Variants in NRXN1 observed in about 807,000 individuals in gnomAD.
NRXN1 encodes neurexin-1.
Under a neutral mutation model 150.9 loss-of-function variants are expected in NRXN1, and 39 were observed. The observed-to-expected ratio is 0.26, with a 90% confidence interval of 0.20 to 0.34. The LOEUF is 0.34. Among genes scored for constraint, NRXN1 ranks in the 10% least tolerant of loss-of-function variants. The pLI, the probability that NRXN1 is intolerant of heterozygous loss-of-function variation, is 1.00. For missense variants in NRXN1, 1,815 were observed against 1,949.9 expected, an observed-to-expected ratio of 0.93 and a Z score of 1.30; for synonymous variants, 924 against 757.0, an observed-to-expected ratio of 1.22 and a Z score of -3.62.
intron 8 of NRXN1, among the ~76,000 whole-genome samples, chr2:50,579,644 C>A (rs1445772240): frequency 2.0e-5 from 3 of 151,972 alleles, no homozygotes; most frequent in Non-Finnish European, 4.4e-5. Flanking sequence ...TGTCTTAAAA[C>A]AAATACAAAA....
intron 5 of NRXN1, among the ~76,000 whole-genome samples, chr2:50,861,473 T>C (rs996580468): frequency 5.3e-5 from 8 of 152,132 alleles, no homozygotes; most frequent in Non-Finnish European, 1.2e-4. Flanking sequence ...AGCTGGTTAG[T>C]TGGCAAATCC....
chr2:50,091,483 T>C lies in NRXN1; in HGVS notation c.3558A>G (p.Lys1186=). The part of the protein sequence containing the change: ...DYLELHIHQG[K]IGVKFNVGTD... ...TCCCAACATTAAACTTAACTCCAAT[T>C]TTTCCCTGGTGCTGTAAGAGAGGAG... is the stretch of plus-strand genomic sequence containing the variant. Residue 1186 remains lysine (K), a synonymous_variant, in exon 19 of 23, where the codon AAA becomes AAG. Coordinates refer to ENST00000401669, the MANE Select transcript of NRXN1 (RefSeq NM_001330078.2). The C allele has an allele frequency of 6.2e-7, 1 of 1,614,112 alleles. No homozygotes were observed. The highest frequency in any genetic ancestry group is 8.5e-7 in the Non-Finnish European group (1 of 1,180,028).
At chr2:50,814,440 C>T (rs3891419) in intron 5 of NRXN1, among the ~76,000 whole-genome samples, 12,651 of 152,124 alleles carry the variant, frequency 0.083, 774 homozygotes, top group African/African-American at 0.16. Context: ...AACCAAGAGT[C>T]ATTGCTTTTT....
At chr2:50,440,084 C>G (rs1398750438) in intron 17 of NRXN1, among the ~76,000 whole-genome samples, 1 of 152,138 alleles carries the variant, frequency 6.6e-6, no homozygotes, top group Non-Finnish European at 1.5e-5. Context: ...TCAACTCATC[C>G]TCAAGAGTTG....
chr2:50,440,453 T>C (rs1000087504), intron 17 of NRXN1, among the ~76,000 whole-genome samples: 6 of 152,002 alleles, frequency 3.9e-5, no homozygotes, highest in African/African-American at 1.5e-4. Flanking sequence ...ACCAAACTGA[T>C]TGTATCTCTG....
intron 15 of NRXN1, among the ~76,000 whole-genome samples, chr2:50,477,848 C>T (rs896130162): frequency 6.6e-6 from 1 of 152,110 alleles, no homozygotes; most frequent in African/African-American, 2.4e-5. Flanking sequence ...AGAGAAAGTG[C>T]AATTCTAGAC....
At chr2:49,973,780 A>T (rs1290712962) in intron 21 of NRXN1, 1 of 570,666 alleles carries the variant, frequency 1.8e-6, no homozygotes, top group Non-Finnish European at 3.1e-6. Context: ...CACATTTCAC[A>T]TACAGCGTGC....
chr2:51,023,586 C>T (rs889667279), intron 2 of NRXN1, among the ~76,000 whole-genome samples: 7 of 152,172 alleles, frequency 4.6e-5, no homozygotes, highest in African/African-American at 1.4e-4. Context: ...TAGTATCATG[C>T]ACCCATCCTT....
chr2:50,750,307 AT>A (rs1049906134), intron 5 of NRXN1, among the ~76,000 whole-genome samples: 28 of 151,652 alleles, frequency 1.8e-4, no homozygotes, highest in African/African-American at 6.8e-4. Flanking sequence ...CTTTTTATTT[AT>A]TTGTGTTTGT....
At chr2:50,698,830 A>G (rs184054580) in intron 5 of NRXN1, among the ~76,000 whole-genome samples, 18 of 152,296 alleles carry the variant, frequency 1.2e-4, no homozygotes, top group Admixed American at 4.6e-4. Context: ...TTCATTGTTT[A>G]TGAAATGTCT....
At chr2:50,744,575 T>G (rs534510454) in intron 5 of NRXN1, among the ~76,000 whole-genome samples, 1 of 152,298 alleles carries the variant, frequency 6.6e-6, no homozygotes, top group African/African-American at 2.4e-5. Flanking sequence ...TAAATGGTCC[T>G]TCATTTATTC....
At chr2:50,103,051 T>C (rs1473665959) in intron 18 of NRXN1, among the ~76,000 whole-genome samples, 1 of 152,098 alleles carries the variant, frequency 6.6e-6, no homozygotes, top group African/African-American at 2.4e-5. Context: ...ATGTAGAACC[T>C]AACAGTATGC....
chr2:50,243,883 A>G (rs1005670515), intron 17 of NRXN1, among the ~76,000 whole-genome samples: 3 of 151,858 alleles, frequency 2.0e-5, no homozygotes, highest in African/African-American at 4.8e-5. Flanking sequence ...TTTACTCAAC[A>G]AGAAATTTTA....
intron 17 of NRXN1, among the ~76,000 whole-genome samples, chr2:50,256,180 G>T (rs1159723494): frequency 6.6e-6 from 1 of 152,076 alleles, no homozygotes; most frequent in Non-Finnish European, 1.5e-5. Flanking sequence ...GTATTAAATT[G>T]GCAAGCAATT....
chr2:50,536,871 T>G (rs1457737833), intron 10 of NRXN1, among the ~76,000 whole-genome samples: 1 of 152,166 alleles, frequency 6.6e-6, no homozygotes, highest in East Asian at 1.9e-4. Context: ...AGCTAAGTTG[T>G]ATTGACAATT....
At chr2:50,910,023 T>G (rs1684302160) in intron 5 of NRXN1, among the ~76,000 whole-genome samples, 1 of 151,890 alleles carries the variant, frequency 6.6e-6, no homozygotes, top group African/African-American at 2.4e-5. Context: ...ATTTTTTTTT[T>G]CTTGAATTAA....
intron 22 of NRXN1, among the ~76,000 whole-genome samples, chr2:49,934,138 G>T (rs573288645): frequency 2.0e-5 from 3 of 152,182 alleles, no homozygotes; most frequent in Non-Finnish European, 2.9e-5. Flanking sequence ...TATGTTTTAG[G>T]TGTCATAAAA....
chr2:50,531,665 C>CT (rs1006263040), intron 10 of NRXN1, among the ~76,000 whole-genome samples: 16 of 151,218 alleles, frequency 1.1e-4, no homozygotes, highest in East Asian at 5.9e-4. Flanking sequence ...TCAGCAGTTC[C>CT]TTTTTTTTTG....
chr2:50,324,392 G>A (rs2076251386), intron 17 of NRXN1, among the ~76,000 whole-genome samples: 1 of 152,176 alleles, frequency 6.6e-6, no homozygotes, highest in African/African-American at 2.4e-5. Context: ...AGATGATAGA[G>A]TCAATATACT....
Sources: allele counts gnomAD v4.1 joint callset (sites outside exome capture counted in the v4.1 genomes callset), GRCh38; gene constraint gnomAD v4.1.1; transcripts MANE v1.5; gene names NCBI Gene and HGNC (gene_info 2026-07-23, HGNC 2026-07-21).